Variants in RGPD8 observed in about 807,000 individuals in gnomAD.
The protein encoded by RGPD8 is RANBP2-like and GRIP domain-containing protein 8.
A neutral mutation model predicts 89.1 loss-of-function variants in RGPD8; 15 were observed. The ratio of observed to expected loss-of-function variants is 0.17; its 90% CI spans 0.11 to 0.26. The LOEUF (loss-of-function observed/expected upper bound fraction) is 0.26. Ranked by LOEUF, RGPD8 falls within the 10% of genes least tolerant of loss-of-function variation. RGPD8 has a pLI of 1.00. For missense variants in RGPD8, 178 were observed against 1,179.6 expected, an observed-to-expected ratio of 0.15 and a Z score of 12.44; for synonymous variants, 62 against 420.9, an observed-to-expected ratio of 0.15 and a Z score of 10.44.
chr2:112,390,165 G>A lies in RGPD8; in HGVS notation c.2780C>T (p.Ser927Leu), dbSNP rs755920628. 8.6e-5 allele frequency: 137 copies of A among 1,592,338 alleles called. 1 individual carries two copies. Among genetic ancestry groups the A allele is most frequent in the East Asian group, 7.4e-4 (33 of 44,796 alleles). ...VSADGFKFGI[S>L]EPGNQEKKRE... ...TTTCTTTTCTTGATTTCCTGGTTCCGAAATGCCAAATTTAAATCCATCAGC... is the reference window on the plus strand; with the variant it reads ...TTTCTTTTCTTGATTTCCTGGTTCCAAAATGCCAAATTTAAATCCATCAGC... The change falls in exon 20 of 23, where the codon TCG becomes TTG. Residue 927 changes from serine (S) to leucine (L), a missense_variant. Coordinates refer to ENST00000302558, the MANE Select transcript of RGPD8 (RefSeq NM_001164463.1).
In RGPD8 at chr2:112,390,287, C is replaced by T. The variant is rs763856125; in HGVS notation, c.2698-40G>A. On this transcript the variant is annotated intron_variant, in intron 19 of 22. Coordinates refer to ENST00000302558, the MANE Select transcript of RGPD8 (RefSeq NM_001164463.1). ...AAGGTGAATTTTCTTGATCCACATG[C>T]CCAAAATAGTCATGAAATAAATACC... 4.5e-6 allele frequency: 6 copies of T among 1,343,310 alleles called. No individual in the cohort carries two copies. In the East Asian group the frequency reaches 6.9e-5, roughly 15 times the overall value. 83.2% of individuals were successfully genotyped at this position (1,343,310 alleles called of 1,614,324 possible).
At chr2:112,410,559 C>T (rs559531715) in intron 7 of RGPD8, among the ~76,000 whole-genome samples, 9 of 151,788 alleles carry the variant, frequency 5.9e-5, no homozygotes, top group South Asian at 2.1e-4. Context: ...GGGTGGATCA[C>T]GAGGTCAGAA....
chr2:112,381,852 ATTTG>A (rs1452048063), intron 20 of RGPD8, among the ~76,000 whole-genome samples: 6 of 152,194 alleles, frequency 3.9e-5, no homozygotes, highest in Non-Finnish European at 5.9e-5. Context: ...TTTAAAAAAG[ATTTG>A]TTTAATAATT....
intron 1 of RGPD8, among the ~76,000 whole-genome samples, chr2:112,431,115 C>A (rs925989722): frequency 7.9e-5 from 12 of 152,002 alleles, no homozygotes; most frequent in African/African-American, 2.9e-4. Flanking sequence ...AACAAAACAG[C>A]GGGTGTGGTG....
At position 112,390,487 on chromosome 2, in the gene RGPD8, C is replaced by T. The variant is rs1678655431; in HGVS notation, c.2698-240G>A. ...CTATGAATTAAGGTATTATTATTATCCTCATTTTACATATAAGGCAACTGA... is the reference window on the plus strand; with the variant it reads ...CTATGAATTAAGGTATTATTATTATTCTCATTTTACATATAAGGCAACTGA... On this transcript the variant is annotated intron_variant, in intron 19 of 22. Transcript: ENST00000302558. Among the ~76,000 whole-genome samples the T allele has an allele frequency of 1.4e-5, 2 of 143,484 alleles. 1 individual carries two copies. 94.1% of individuals were successfully genotyped at this position (143,484 alleles called of 152,430 possible). A position where few individuals can be genotyped will look rare whatever the true frequency, so the allele number is the denominator to read the frequency against.
At chr2:112,431,538 TC>T (rs1207563155) in intron 1 of RGPD8, among the ~76,000 whole-genome samples, 3 of 152,180 alleles carry the variant, frequency 2.0e-5, no homozygotes, top group African/African-American at 7.2e-5. Flanking sequence ...GGTCTCAATA[TC>T]CACAGGGTTG....
intron 1 of RGPD8, chr2:112,432,489 T>C (rs535215376): frequency 5.4e-4 from 532 of 984,782 alleles, no homozygotes; most frequent in Middle Eastern, 3.1e-3. Context: ...GTGTCATTTG[T>C]GCCATCGGGC....
intron 9 of RGPD8, among the ~76,000 whole-genome samples, chr2:112,402,442 A>G (rs1678898441): frequency 6.6e-6 from 1 of 151,266 alleles, no homozygotes; most frequent in African/African-American, 2.4e-5. Context: ...GGCAGCCGAG[A>G]TTGCGCCACT....
At chr2:112,387,868 A>G (rs1345655395) in intron 20 of RGPD8, among the ~76,000 whole-genome samples, 156 bp downstream of exon 20, 1 of 145,362 alleles carries the variant, frequency 6.9e-6, no homozygotes, top group South Asian at 2.3e-4. Flanking sequence ...CCTCACCGAG[A>G]ACTTATTAAG....
At chr2:112,416,186 C>G (rs1211567558) in intron 6 of RGPD8, among the ~76,000 whole-genome samples, 2 of 151,992 alleles carry the variant, frequency 1.3e-5, no homozygotes, top group Non-Finnish European at 2.9e-5. Context: ...GAACTTGTGA[C>G]CAAAAAATTT....
intron 4 of RGPD8, among the ~76,000 whole-genome samples, chr2:112,419,519 C>A (rs1679493388): frequency 6.7e-6 from 1 of 149,992 alleles, no homozygotes; most frequent in Non-Finnish European, 1.5e-5. Flanking sequence ...AACTGTTTAC[C>A]TTAGCAAGCC....
intron 22 of RGPD8, 147 bp from the exon 23 acceptor site, chr2:112,370,359 G>GTGGTT (rs1677925588): frequency 9.9e-6 from 1 of 100,750 alleles, no homozygotes; most frequent in Non-Finnish European, 1.7e-5. Flanking sequence ...GGGGGGGGGG[G>GTGGTT]TTCTTTTTTT....
chr2:112,414,286 G>A (rs1679297669), intron 6 of RGPD8, among the ~76,000 whole-genome samples: 1 of 121,318 alleles, frequency 8.2e-6, no homozygotes, highest in African/African-American at 3.5e-5. Flanking sequence ...GACCAGCCTA[G>A]CCAACATGGT....
At chr2:112,415,278 A>G (rs1305715856) in intron 6 of RGPD8, among the ~76,000 whole-genome samples, 4 of 152,342 alleles carry the variant, frequency 2.6e-5, no homozygotes, top group East Asian at 1.9e-4. Flanking sequence ...CCAGCTACTC[A>G]GGAGGCTGAG....
At chr2:112,373,087 A>G (rs966971529) in intron 22 of RGPD8, among the ~76,000 whole-genome samples, 1 of 149,478 alleles carries the variant, frequency 6.7e-6, no homozygotes, top group African/African-American at 2.6e-5. Context: ...AATTTTGCAT[A>G]TAGAAGTACT....
At chr2:112,431,702 T>C (rs1680046165) in intron 1 of RGPD8, among the ~76,000 whole-genome samples, 1 of 151,504 alleles carries the variant, frequency 6.6e-6, no homozygotes, top group Non-Finnish European at 1.5e-5. Flanking sequence ...AGTAGCGCGA[T>C]CTCGGCTCAC....
chr2:112,372,952 C>A (rs1677997175), intron 22 of RGPD8, among the ~76,000 whole-genome samples: 1 of 133,522 alleles, frequency 7.5e-6, no homozygotes, highest in African/African-American at 3.3e-5. Flanking sequence ...GAGTTTTAGA[C>A]CTCTGTGTAT....
chr2:112,430,916 C>T (rs976867854), intron 1 of RGPD8, among the ~76,000 whole-genome samples: 2 of 152,142 alleles, frequency 1.3e-5, no homozygotes, highest in African/African-American at 4.8e-5. Context: ...ACGATCCCGC[C>T]ACAGCACTCC....
chr2:112,427,458 C>T (rs1679819394), intron 1 of RGPD8, among the ~76,000 whole-genome samples: 1 of 152,036 alleles, frequency 6.6e-6, no homozygotes, highest in Non-Finnish European at 1.5e-5. Context: ...CAGCAGATGT[C>T]ACTATAAGCA....
Sources: gnomAD v4.1 joint callset for allele counts (sites outside exome capture counted in the v4.1 genomes callset) on GRCh38, gnomAD v4.1.1 for gene constraint, MANE v1.5 for transcripts, NCBI Gene and HGNC (gene_info 2026-07-23, HGNC 2026-07-21) for gene names.